Variants in CAPN9 observed in about 807,000 individuals in gnomAD.
CAPN9 encodes the protein calpain 9, also known as calpain-9.
Under a neutral mutation model 92.8 loss-of-function variants are expected in CAPN9, and 81 were observed. The ratio of observed to expected loss-of-function variants is 0.87; its 90% confidence interval spans 0.73 to 1.05. The LOEUF (loss-of-function observed/expected upper bound fraction) is 1.05. Ranked by LOEUF, CAPN9 falls within the 50% of genes least tolerant of loss-of-function variation. The pLI is 0.00. For synonymous variants in CAPN9, 304 were observed against 328.0 expected, an observed-to-expected ratio of 0.93 and a Z score of 0.79; for missense variants, 848 against 866.2, an observed-to-expected ratio of 0.98 and a Z score of 0.26.
At chr1:230,789,008 C>T (rs753011931) in intron 13 of CAPN9, among the ~76,000 whole-genome samples, 43 of 152,142 alleles carry the variant, frequency 2.8e-4, no homozygotes, top group Non-Finnish European at 5.7e-4. Flanking sequence ...ATGACTTGGG[C>T]ACATGGCTCC....
intron 6 of CAPN9, among the ~76,000 whole-genome samples, chr1:230,769,616 C>CTTAT (rs1255663506): frequency 6.0e-5 from 7 of 115,980 alleles, no homozygotes; most frequent in East Asian, 2.3e-4. Flanking sequence ...CACACACACA[C>CTTAT]CTATCTATCT....
In CAPN9 at chr1:230,772,517, G is replaced by A. The variant is rs181928343; in HGVS notation, c.875+418G>A. On this transcript the variant is annotated intron_variant, in intron 7 of 19. Transcript: ENST00000271971. ...GTCGGAATCCCTGAAATATTACCTA[G>A]CATGTAACTATAGGATTCTCTCTGA... Among the ~76,000 whole-genome samples, 3 of 152,228 alleles carry A rather than the reference G, an allele frequency of 2.0e-5. No individual in the cohort carries two copies. In the East Asian group the frequency reaches 5.8e-4, roughly 29 times the overall value.
At chr1:230,787,250 C>T (rs1237118230) in intron 12 of CAPN9, among the ~76,000 whole-genome samples, 3 of 152,158 alleles carry the variant, frequency 2.0e-5, no homozygotes, top group Non-Finnish European at 2.9e-5. Context: ...ATGGCCAGGA[C>T]CTAACTTAGG....
chr1:230,784,834 C>T (rs536216618), intron 11 of CAPN9, among the ~76,000 whole-genome samples: 10 of 152,346 alleles, frequency 6.6e-5, no homozygotes, highest in African/African-American at 1.9e-4. Context: ...TGTGGGAAGG[C>T]GGCCATCATC....
chr1:230,770,711 A>T lies in CAPN9; in HGVS notation c.790-1303A>T, dbSNP rs1053263032. On this transcript the variant is annotated intron_variant, in intron 6 of 19. Transcript: ENST00000271971. The stretch of plus-strand genomic sequence containing the variant: ...AGGAGGACAAGAAGCCAAAGGTATC[A>T]CTCTGCCAGACTCAAGCTCAGCAAA... Among the ~76,000 whole-genome samples, 11 of 152,194 alleles carry T rather than the reference A, an allele frequency of 7.2e-5. No homozygotes were observed. In the South Asian group the frequency reaches 2.3e-3, roughly 32 times the overall value.
intron 14 of CAPN9, among the ~76,000 whole-genome samples, chr1:230,791,301 C>T (rs1327360031): frequency 1.3e-5 from 2 of 152,144 alleles, no homozygotes; most frequent in East Asian, 1.9e-4. Flanking sequence ...CATAACCATC[C>T]TCTTAATTAT....
chr1:230,765,333 C>T (rs1169908575), intron 4 of CAPN9, among the ~76,000 whole-genome samples: 2 of 150,910 alleles, frequency 1.3e-5, no homozygotes, highest in Admixed American at 1.3e-4. Context: ...AGAATTCAAC[C>T]AACGAAATAG....
Position 230,780,625 on chromosome 1 carries a change from C to A in CAPN9, c.1398C>A (p.Tyr466Ter). The A allele has an allele frequency of 6.2e-7, 1 of 1,614,146 alleles. No individual in the cohort carries two copies. The highest frequency in any genetic ancestry group is 8.5e-7 in the Non-Finnish European group (1 of 1,179,988). The change falls in exon 11 of 20, where the codon TAC (tyrosine) becomes TAA (stop). Residue 466 changes from tyrosine to a stop codon, truncating the protein, a stop_gained. Coordinates refer to ENST00000271971, the MANE Select transcript of CAPN9 (RefSeq NM_006615.3). LOFTEE classifies it high-confidence loss of function. ...SDRFKLPPGEYILIPSTFEPH... is the reference protein window; with the variant it reads ...SDRFKLPPGE ...GGTTCAAGCTGCCCCCTGGGGAGTACATCCTGATTCCCAGCACTTTTGAGC... is the reference window on the plus strand; with the variant it reads ...GGTTCAAGCTGCCCCCTGGGGAGTAAATCCTGATTCCCAGCACTTTTGAGC...
intron 3 of CAPN9, 56 bp from the exon 4 acceptor site, chr1:230,762,597 C>T: frequency 1.3e-6 from 2 of 1,593,484 alleles, no homozygotes; most frequent in Non-Finnish European, 1.7e-6. Context: ...ACAAACAGGG[C>T]CTGGAGCTCC....
At chr1:230,752,686 G>T in intron 1 of CAPN9, 2 of 985,398 alleles carry the variant, frequency 2.0e-6, no homozygotes, top group Non-Finnish European at 2.4e-6. Context: ...AGGGATCTGT[G>T]GCTTTTGGAG....
At chr1:230,800,484 C>T (rs991102132) in intron 19 of CAPN9, among the ~76,000 whole-genome samples, 1 of 152,226 alleles carries the variant, frequency 6.6e-6, no homozygotes, top group Non-Finnish European at 1.5e-5. Context: ...GGCTCCAGAG[C>T]ACCAGCAGTG....
At chr1:230,800,339 A>G (rs1312182474) in intron 19 of CAPN9, among the ~76,000 whole-genome samples, 1 of 152,186 alleles carries the variant, frequency 6.6e-6, no homozygotes, top group Non-Finnish European at 1.5e-5. Flanking sequence ...GTCCACCTTT[A>G]TTTATCATTT....
chr1:230,767,418 C>A, intron 4 of CAPN9, 123 bp from the exon 5 acceptor site: 1 of 762,016 alleles, frequency 1.3e-6, no homozygotes, highest in Non-Finnish European at 2.1e-6. Flanking sequence ...CCTTCCACAC[C>A]ACCCAGCCAG....
chr1:230,751,595 AAGAAAGAAAGAAAG>A (rs1479186967), intron 1 of CAPN9, among the ~76,000 whole-genome samples: 1,295 of 17,190 alleles, frequency 0.075, 146 homozygotes, highest in Admixed American at 0.13. Context: ...CAAAGAAAGA[AAGAAAGAAAGAAAG>A]AGAAAGAAAG....
chr1:230,752,417 TTC>T (rs1664907739), intron 1 of CAPN9, among the ~76,000 whole-genome samples: 1 of 152,238 alleles, frequency 6.6e-6, no homozygotes, highest in African/African-American at 2.4e-5. Context: ...CTTGGAGAGT[TTC>T]TGAGTTTTTT....
Position 230,798,718 on chromosome 1 carries a change from G to GAGAAGGATTCC in CAPN9, c.2046+501_2046+511dup, listed in dbSNP as rs1383709671. Among the ~76,000 whole-genome samples the GAGAAGGATTCC allele has an allele frequency of 3.3e-5, 5 of 152,308 alleles. No individual in the cohort carries two copies. The East Asian group carries it at 5.8e-4, about 18-fold the overall frequency. ...ATGGGTCTGAGTGTCAGAGGTATGG[G>GAGAAGGATTCC]AGAAGGATTCCAGGGGGTTTCAATC... On this transcript the variant is annotated intron_variant, in intron 19 of 19. Transcript: ENST00000271971.
rs1248316408 is a variant in CAPN9, at chr1:230,767,704, A to G, written c.700A>G (p.Ile234Val). ...LKRGSLLGCF[I>V]DTRSAAESEA... ...GAGAGGCTCCCTGCTGGGCTGCTTC[A>G]TTGATGTAAGTTGCTCATGGGCTCC... Residue 234 changes from isoleucine (I) to valine (V), a missense_variant, in exon 5 of 20, where the codon ATT becomes GTT. Transcript: ENST00000271971. The G allele has an allele frequency of 8.1e-6, 13 of 1,611,988 alleles. No individual in the cohort carries two copies. Among genetic ancestry groups the G allele is most frequent in the Non-Finnish European group, 1.1e-5 (13 of 1,179,398 alleles).
intron 7 of CAPN9, among the ~76,000 whole-genome samples, chr1:230,773,823 G>A (rs946867352): frequency 2.6e-5 from 4 of 152,186 alleles, no homozygotes; most frequent in Non-Finnish European, 5.9e-5. Context: ...GGATGAGAGG[G>A]AGCTGCCACG....
At chr1:230,757,484 T>C (rs1013379089) in intron 2 of CAPN9, among the ~76,000 whole-genome samples, 22 of 152,306 alleles carry the variant, frequency 1.4e-4, no homozygotes, top group Non-Finnish European at 2.5e-4. Flanking sequence ...CTAAAGATTA[T>C]TTTGTAACAC....
Sources: gnomAD v4.1 joint callset for allele counts (sites outside exome capture counted in the v4.1 genomes callset) on GRCh38, gnomAD v4.1.1 for gene constraint, MANE v1.5 for transcripts, NCBI Gene and HGNC (gene_info 2026-07-23, HGNC 2026-07-21) for gene names.